The following P2RX7 variants were observed in gnomAD, a reference collection of about 807,000 sequenced individuals.
P2RX7 encodes the protein P2X purinoceptor 7.
In P2RX7, 62 loss-of-function variants were observed where a neutral mutation model predicts 71.6. That is an observed-to-expected ratio of 0.87 (90% CI 0.71 to 1.07). The LOEUF (loss-of-function observed/expected upper bound fraction) is 1.07, where lower values mean the gene tolerates loss of function less well. Ranked by LOEUF, P2RX7 falls within the 50% of genes least tolerant of loss-of-function variation. The probability of loss-of-function intolerance (pLI) is 0.00; values close to 1 mark genes in which losing one functional copy is unlikely to be tolerated. For missense variants in P2RX7, 686 were observed against 748.5 expected, an observed-to-expected ratio of 0.92 and a Z score of 0.97; for synonymous variants, 299 against 283.3, an observed-to-expected ratio of 1.06 and a Z score of -0.56.
At position 121,132,900 on chromosome 12, in the gene P2RX7, G is replaced by T. The variant is rs1174934373; in HGVS notation, c.-71G>T. ...GTTTCATTTTGCAGTTACTGGGAGGGGGCTTGCTGTGGCCCTGTCAGGAAG... is the reference window on the plus strand; with the variant it reads ...GTTTCATTTTGCAGTTACTGGGAGGTGGCTTGCTGTGGCCCTGTCAGGAAG... On this transcript the variant is annotated 5_prime_UTR_variant, in exon 1 of 13. Coordinates refer to ENST00000328963, the MANE Select transcript of P2RX7 (RefSeq NM_002562.6). 1 of 1,585,638 alleles carries T rather than the reference G, an allele frequency of 6.3e-7. No individual in the cohort carries two copies.
chr12:121,160,948 AG>A lies in P2RX7; in HGVS notation c.413del (p.Gly138AspfsTer16), dbSNP rs1337879229. The A allele has an allele frequency of 1.2e-6, 2 of 1,613,880 alleles. No homozygotes were observed. Among genetic ancestry groups the A allele is most frequent in the Non-Finnish European group, 1.7e-6 (2 of 1,179,862 alleles). On this transcript the variant is annotated frameshift_variant, in exon 4 of 13. Transcript: ENST00000328963. LOFTEE classifies it high-confidence loss of function. ...TLCSSDRGCK[K>X]GWMDPQSKGI... ...TGTTCCTCTGACCGAGGTTGTAAAA[AG>A]GGATGGATGGACCCGCAGAGCAAAG... is the stretch of plus-strand genomic sequence containing the variant.
intron 1 of P2RX7, among the ~76,000 whole-genome samples, chr12:121,151,825 T>C (rs1877474510): frequency 6.6e-6 from 1 of 152,102 alleles, no homozygotes; most frequent in Non-Finnish European, 1.5e-5. Flanking sequence ...CTACTCTCTG[T>C]CTCTGTGGAT....
chr12:121,181,884 C>T (rs996939322), intron 12 of P2RX7, among the ~76,000 whole-genome samples: 1 of 151,084 alleles, frequency 6.6e-6, no homozygotes, highest in Non-Finnish European at 1.5e-5. Flanking sequence ...GCCAACATGG[C>T]GAAACCCTGT....
chr12:121,158,609 C>T lies in P2RX7; in HGVS notation c.364-2293C>T, dbSNP rs74890172. ...CTTTGCAGTCACAGCACAGGCTCAG[C>T]TTCAGAAAGTAGGGGAAACACTCCA... is the stretch of plus-strand genomic sequence containing the variant. On this transcript the variant is annotated intron_variant, in intron 3 of 12. Transcript: ENST00000328963. Among the ~76,000 whole-genome samples, 740 of 152,304 alleles carry T rather than the reference C, an allele frequency of 4.9e-3. 7 individuals are homozygous for T. Among genetic ancestry groups the T allele is most frequent in the African/African-American group, 0.017 (712 of 41,556 alleles).
chr12:121,172,510 T>C (rs1882393444), intron 8 of P2RX7, among the ~76,000 whole-genome samples: 1 of 152,116 alleles, frequency 6.6e-6, no homozygotes, highest in South Asian at 2.1e-4. Flanking sequence ...TTTGCACCTG[T>C]AGTCCCAGCT....
At chr12:121,170,600 C>A (rs1881987668) in intron 8 of P2RX7, among the ~76,000 whole-genome samples, 1 of 152,088 alleles carries the variant, frequency 6.6e-6, no homozygotes, top group South Asian at 2.1e-4. Context: ...CATGGTGAAA[C>A]CCTGTCTCTC....
rs1229142553 is a variant in P2RX7, at chr12:121,186,367, T to A, written c.*1565T>A. The A allele has an allele frequency of 6.6e-6, 1 of 152,228 alleles. No individual in the cohort carries two copies. Among genetic ancestry groups the A allele is most frequent in the Non-Finnish European group, 1.5e-5 (1 of 68,054 alleles). 9.4% of individuals were successfully genotyped at this position (152,228 alleles called of 1,614,324 possible). On this transcript the variant is annotated 3_prime_UTR_variant, in exon 13 of 13. Transcript: ENST00000328963. Reference sequence around the variant, plus strand: ...TAACTGGAACAGAGGGCAAGCCTGATGAATGGGCACACAGACTCAGCCCAT... The same window carrying A: ...TAACTGGAACAGAGGGCAAGCCTGAAGAATGGGCACACAGACTCAGCCCAT...
intron 8 of P2RX7, among the ~76,000 whole-genome samples, chr12:121,168,595 A>G (rs993654595): frequency 6.6e-6 from 1 of 151,320 alleles, no homozygotes; most frequent in Non-Finnish European, 1.5e-5. Flanking sequence ...TATACCAAGC[A>G]CTCCCCGTCG....
At chr12:121,138,529 G>C (rs1874175843) in intron 1 of P2RX7, among the ~76,000 whole-genome samples, 1 of 152,258 alleles carries the variant, frequency 6.6e-6, no homozygotes, top group Non-Finnish European at 1.5e-5. Flanking sequence ...AGAAGACGAG[G>C]GAGCCGTGTG....
At position 121,167,750 on chromosome 12, in the gene P2RX7, A is replaced by G. The variant is rs1193159179; in HGVS notation, c.881+126A>G. On this transcript the variant is annotated intron_variant, in intron 8 of 12. Transcript: ENST00000328963. ...AAAGACTTTCTCTAAGAACTAGGTG[A>G]TAACTGAATTTTTTCCATAATTTTT... 5.6e-6 allele frequency: 4 copies of G among 711,716 alleles called. No individual in the cohort carries two copies. In the African/African-American group the frequency reaches 7.4e-5, roughly 13 times the overall value. 44.1% of individuals were successfully genotyped at this position (711,716 alleles called of 1,614,324 possible).
At chr12:121,161,784 C>A in intron 4 of P2RX7, among the ~76,000 whole-genome samples, 1 of 127,470 alleles carries the variant, frequency 7.8e-6, no homozygotes. Context: ...AGAGCGAGAC[C>A]CCTTTAAAAA....
chr12:121,144,816 G>A (rs1015414111), intron 1 of P2RX7, among the ~76,000 whole-genome samples: 6 of 152,110 alleles, frequency 3.9e-5, no homozygotes, highest in East Asian at 1.9e-4. Flanking sequence ...GCAACTGAAC[G>A]GGTGAGTGGA....
Position 121,177,374 on chromosome 12 carries a change from G to A in P2RX7, c.1116G>A (p.Lys372=). Residue 372 remains lysine, a synonymous_variant, in exon 11 of 13, where the codon AAG becomes AAA. Coordinates refer to ENST00000328963, the MANE Select transcript of P2RX7 (RefSeq NM_002562.6). ...GCTCCCATATTTATCCCTGGTGCAA[G>A]TGCTGTCAGCCCTGTGTGGTCAACG... ...CCRSHIYPWC[K]CCQPCVVNEY... The A allele has an allele frequency of 1.2e-6, 2 of 1,614,012 alleles. No homozygotes were observed. Among genetic ancestry groups the A allele is most frequent in the Non-Finnish European group, 1.7e-6 (2 of 1,180,032 alleles).
chr12:121,155,971 C>A (rs1021744775), intron 2 of P2RX7, 108 bp from the exon 3 acceptor site: 13 of 998,554 alleles, frequency 1.3e-5, no homozygotes, highest in Non-Finnish European at 1.7e-5. Context: ...ATCCTGATTT[C>A]TAGAAGCTTA....
At chr12:121,137,137 A>G (rs1177652326) in intron 1 of P2RX7, among the ~76,000 whole-genome samples, 1 of 152,206 alleles carries the variant, frequency 6.6e-6, no homozygotes, top group Non-Finnish European at 1.5e-5. Flanking sequence ...TAAATAATGC[A>G]ATGATTCAGC....
intron 11 of P2RX7, among the ~76,000 whole-genome samples, chr12:121,178,661 G>A (rs34481602): frequency 0.064 from 9,685 of 151,930 alleles, 347 homozygotes; most frequent in Non-Finnish European, 0.087. Flanking sequence ...GCGTGGTGGT[G>A]CATGCCTGAA....
At chr12:121,160,876 C>T (rs1404161099) in intron 3 of P2RX7, 26 bp from the exon 4 acceptor site, 6 of 1,573,604 alleles carry the variant, frequency 3.8e-6, no homozygotes, top group Non-Finnish European at 4.4e-6. Flanking sequence ...CACTTACTCC[C>T]CACTCTGTCA....
chr12:121,148,930 G>T (rs1876831117), intron 1 of P2RX7: 3 of 390,768 alleles, frequency 7.7e-6, no homozygotes, highest in Non-Finnish European at 1.5e-5. Flanking sequence ...GCCTGGCTTA[G>T]GTGTGAGCTA....
Position 121,175,422 on chromosome 12 carries a change from A to G in P2RX7, c.916A>G (p.Lys306Glu). 1 of 1,603,926 alleles carries G rather than the reference A, an allele frequency of 6.2e-7. No homozygotes were observed. Among genetic ancestry groups the G allele is most frequent in the Non-Finnish European group, 8.5e-7 (1 of 1,170,752 alleles). ...GTACTACAAGGAAAACAATGTTGAGAAACGGACTCTGATAAAAGTCTTCGG... is the reference window on the plus strand; with the variant it reads ...GTACTACAAGGAAAACAATGTTGAGGAACGGACTCTGATAAAAGTCTTCGG... ...AKYYKENNVE[K>E]RTLIKVFGIR... Residue 306 changes from lysine (K) to glutamate (E), a missense_variant, in exon 9 of 13, where the codon AAA (lysine) becomes GAA (glutamate). By Grantham distance (56) the Lys-to-Glu change is moderately conservative. Transcript: ENST00000328963.
Sources: gnomAD v4.1 joint callset for allele counts (sites outside exome capture counted in the v4.1 genomes callset) on GRCh38, gnomAD v4.1.1 for gene constraint, MANE v1.5 for transcripts, NCBI Gene and HGNC (gene_info 2026-07-23, HGNC 2026-07-21) for gene names.